The following TBC1D32 variants were observed in gnomAD, a reference collection of about 807,000 sequenced individuals.
TBC1D32 encodes the protein protein broad-minded.
A neutral mutation model predicts 170.3 loss-of-function variants in TBC1D32; 151 were observed. The ratio of observed to expected loss-of-function variants is 0.89; its 90% CI spans 0.78 to 1.01. TBC1D32 has a LOEUF of 1.01. Ranked by LOEUF, TBC1D32 falls within the 50% of genes least tolerant of loss-of-function variation. The probability of loss-of-function intolerance (pLI) is 0.00; values close to 1 mark genes in which losing one functional copy is unlikely to be tolerated. For synonymous variants in TBC1D32, 498 were observed against 488.0 expected, an observed-to-expected ratio of 1.02 and a Z score of -0.27; for missense variants, 1,464 against 1,457.1, an observed-to-expected ratio of 1.00 and a Z score of -0.08.
chr6:121,299,458 T>C lies in TBC1D32; in HGVS notation c.1128A>G (p.Lys376=). ...ATTACAGACTTACCAGAGACTTATA[T>C]TTCGTTTCAAGAAGTCTTAATACTG... The part of the protein sequence containing the change: ...RTTVLRLLET[K]YKSLVTTAIQ... Residue 376 remains lysine, a synonymous_variant, in exon 10 of 32, where the codon AAA becomes AAG. Coordinates refer to ENST00000398212, the MANE Select transcript of TBC1D32 (RefSeq NM_152730.6). 5 of 1,509,514 alleles carry C rather than the reference T, an allele frequency of 3.3e-6. No homozygotes were observed. The highest frequency in any genetic ancestry group is 4.5e-6 in the Non-Finnish European group (5 of 1,102,830). 93.5% of individuals were successfully genotyped at this position (1,509,514 alleles called of 1,614,324 possible).
chr6:121,089,698 T>C (rs895284640), intron 31 of TBC1D32, among the ~76,000 whole-genome samples: 11 of 152,202 alleles, frequency 7.2e-5, no homozygotes, highest in Admixed American at 6.5e-5. Context: ...ATAAAAATGA[T>C]AATTTGGCAA....
intron 31 of TBC1D32, among the ~76,000 whole-genome samples, chr6:121,085,803 A>G (rs1776213851): frequency 6.6e-6 from 1 of 152,072 alleles, no homozygotes; most frequent in African/African-American, 2.4e-5. Context: ...TGGTTCTTGA[A>G]GATTTAAACT....
intron 22 of TBC1D32, among the ~76,000 whole-genome samples, chr6:121,172,805 T>C (rs1026735450): frequency 6.6e-6 from 1 of 152,242 alleles, no homozygotes; most frequent in Non-Finnish European, 1.5e-5. Flanking sequence ...TGACTTCATA[T>C]CAGCATTTAA....
At chr6:121,319,482 T>C (rs1197936650) in intron 2 of TBC1D32, among the ~76,000 whole-genome samples, 1 of 152,194 alleles carries the variant, frequency 6.6e-6, no homozygotes, top group Non-Finnish European at 1.5e-5. Flanking sequence ...GAATTCTAGC[T>C]GGTCACAGGA....
At chr6:121,215,999 C>T (rs1373625904) in intron 21 of TBC1D32, among the ~76,000 whole-genome samples, 1 of 152,222 alleles carries the variant, frequency 6.6e-6, no homozygotes, top group Non-Finnish European at 1.5e-5. Context: ...AATCCCATTA[C>T]TGGGTGTGAT....
At chr6:121,218,331 A>T (rs1294205920) in intron 21 of TBC1D32, among the ~76,000 whole-genome samples, 5 of 152,182 alleles carry the variant, frequency 3.3e-5, no homozygotes, top group Non-Finnish European at 7.3e-5. Flanking sequence ...AAGCTAAAGG[A>T]GGTGGGGATG....
intron 31 of TBC1D32, among the ~76,000 whole-genome samples, chr6:121,083,579 T>A (rs556033502): frequency 6.7e-6 from 1 of 149,980 alleles, no homozygotes; most frequent in Non-Finnish European, 1.5e-5. Flanking sequence ...ATTTCAAATA[T>A]GCATTCATCT....
chr6:121,329,620 C>T (rs1810941749), intron 1 of TBC1D32, among the ~76,000 whole-genome samples: 1 of 151,680 alleles, frequency 6.6e-6, no homozygotes, highest in Non-Finnish European at 1.5e-5. Flanking sequence ...CCATTGCACT[C>T]CAGCCTGGGG....
At chr6:121,185,787 T>C (rs1789131302) in intron 22 of TBC1D32, among the ~76,000 whole-genome samples, 1 of 152,062 alleles carries the variant, frequency 6.6e-6, no homozygotes, top group Non-Finnish European at 1.5e-5. Flanking sequence ...AAGAAACTAG[T>C]TTAACAATAA....
chr6:121,157,643 G>A (rs570875456), intron 24 of TBC1D32, among the ~76,000 whole-genome samples: 1 of 152,090 alleles, frequency 6.6e-6, no homozygotes, highest in Non-Finnish European at 1.5e-5. Flanking sequence ...AGCAGGTTTT[G>A]ATCTTCCATT....
chr6:121,187,884 A>T (rs1323601435), intron 22 of TBC1D32, among the ~76,000 whole-genome samples: 3 of 152,106 alleles, frequency 2.0e-5, no homozygotes, highest in African/African-American at 7.2e-5. Flanking sequence ...TGAATAGGAT[A>T]TTGTCCCTGC....
At position 121,223,321 on chromosome 6, in the gene TBC1D32, T is replaced by G. The variant is rs762503574; in HGVS notation, c.2396A>C (p.Tyr799Ser). 6.9e-6 allele frequency: 11 copies of G among 1,596,076 alleles called. No homozygotes were observed. The highest frequency in any genetic ancestry group is 9.4e-6 in the Non-Finnish European group (11 of 1,174,580). The change falls in exon 21 of 32, where the codon TAT becomes TCT. Residue 799 changes from tyrosine to serine, a missense_variant. Physicochemically the swap from Tyr to Ser is moderately radical, Grantham distance 144 (BLOSUM62 -2). This residue lies in a region of TBC1D32 where 1,363 missense variants were observed against 1,338.1 expected (regional missense o/e 1.02). Transcript: ENST00000398212. ...CCTTACAAGCTCATAAATAGCAGGA[T>G]AGGATAACAAGTTCACCAGTGCTAA... ...SFLALVNLLS[Y>S]PAIYELVRNQ...
intron 22 of TBC1D32, among the ~76,000 whole-genome samples, chr6:121,199,854 ATGTT>A (rs1244825685): frequency 5.3e-5 from 8 of 151,418 alleles, no homozygotes; most frequent in South Asian, 2.1e-4. Context: ...ACATTTGGCT[ATGTT>A]TGTTACTTGT....
intron 30 of TBC1D32, among the ~76,000 whole-genome samples, chr6:121,097,174 A>G (rs560372216): frequency 4.6e-5 from 7 of 152,314 alleles, no homozygotes; most frequent in African/African-American, 1.2e-4. Flanking sequence ...AAGCAATGGC[A>G]ATAAAAGCCG....
intron 15 of TBC1D32, among the ~76,000 whole-genome samples, chr6:121,266,666 C>T (rs114741542): frequency 0.033 from 5,002 of 152,100 alleles, 199 homozygotes; most frequent in East Asian, 0.12. Context: ...CCAACCCAAA[C>T]GCCTATTAAT....
intron 15 of TBC1D32, among the ~76,000 whole-genome samples, chr6:121,277,878 GA>G (rs904565622): frequency 1.3e-4 from 18 of 136,648 alleles, no homozygotes; most frequent in East Asian, 8.3e-4. Context: ...GGTTAACTAA[GA>G]AAAAAAAAAA....
intron 12 of TBC1D32, among the ~76,000 whole-genome samples, chr6:121,291,421 G>C (rs1015694860): frequency 1.3e-5 from 2 of 151,678 alleles, no homozygotes; most frequent in South Asian, 2.1e-4. Flanking sequence ...TTACTATGTG[G>C]TGCTTTACAA....
rs548401131 is a variant in TBC1D32 at position 121,151,441 on chromosome 6, T to C, written c.2773+8569A>G. 5.4e-4 allele frequency among the ~76,000 whole-genome samples: 82 copies of C among 152,342 alleles called. 1 individual carries two copies. The highest frequency in any genetic ancestry group is 3.4e-3 in the Middle Eastern group (1 of 294). On this transcript the variant is annotated intron_variant, in intron 24 of 31. Transcript: ENST00000398212. ...TCTAATTATGTGGTTGATTTTAGAA[T>C]AAGTGCTATGTGGTGCTGAGAAGAA...
chr6:121,334,140 G>T (rs1811567242), intron 1 of TBC1D32, 136 bp downstream of exon 1: 3 of 680,526 alleles, frequency 4.4e-6, no homozygotes, highest in South Asian at 2.2e-5. Context: ...TCGACGTTTT[G>T]GCAAATAAGA....
Sources: gnomAD v4.1 joint callset for allele counts (sites outside exome capture counted in the v4.1 genomes callset) on GRCh38, gnomAD v4.1.1 for gene constraint, gnomAD v4.1.1 regional missense constraint, MANE v1.5 for transcripts, NCBI Gene and HGNC (gene_info 2026-07-23, HGNC 2026-07-21) for gene names.